The following OXR1 variants were observed in gnomAD, a reference collection of about 807,000 sequenced individuals.
OXR1 encodes the protein oxidation resistance 1.
Under a neutral mutation model 104.6 loss-of-function variants are expected in OXR1, and 41 were observed. The observed-to-expected ratio is 0.39, with a 90% CI of 0.31 to 0.51. The LOEUF (loss-of-function observed/expected upper bound fraction) is 0.51. Among genes scored for constraint, OXR1 ranks in the 20% least tolerant of loss-of-function variants. The pLI is 0.77. For missense variants in OXR1, 955 were observed against 1,031.9 expected (o/e 0.93, Z 1.02); for synonymous variants, 348 against 348.4 (o/e 1.00, Z 0.01).
chr8:106,575,624 C>A (rs919841498), intron 3 of OXR1, among the ~76,000 whole-genome samples: 1 of 151,372 alleles, frequency 6.6e-6, no homozygotes, highest in Non-Finnish European at 1.5e-5. Flanking sequence ...TTTAATGACC[C>A]CTACATTTAA....
At chr8:106,454,305 CAA>C (rs1210008886) in intron 2 of OXR1, among the ~76,000 whole-genome samples, 2 of 151,542 alleles carry the variant, frequency 1.3e-5, no homozygotes, top group African/African-American at 4.8e-5. Flanking sequence ...TACTAAAATA[CAA>C]AAAATTAGCC....
intron 3 of OXR1, among the ~76,000 whole-genome samples, chr8:106,550,392 T>G (rs1466099925): frequency 6.6e-6 from 1 of 152,144 alleles, no homozygotes; most frequent in African/African-American, 2.4e-5. Context: ...TCATGAAACT[T>G]ACAATCATGG....
intron 1 of OXR1, among the ~76,000 whole-genome samples, chr8:106,293,051 G>A (rs1191944424): frequency 1.3e-5 from 2 of 152,110 alleles, no homozygotes; most frequent in African/African-American, 4.8e-5. Flanking sequence ...AGCTGGATCT[G>A]GGATATATTT....
chr8:106,332,231 G>A (rs1563722263), intron 1 of OXR1, among the ~76,000 whole-genome samples: 1 of 152,094 alleles, frequency 6.6e-6, no homozygotes, highest in Non-Finnish European at 1.5e-5. Flanking sequence ...TAAAATCAGA[G>A]CTGTACATAA....
chr8:106,487,600 G>A (rs1810770922), intron 2 of OXR1, among the ~76,000 whole-genome samples: 1 of 147,728 alleles, frequency 6.8e-6, no homozygotes, highest in African/African-American at 2.5e-5. Context: ...AGTCCCCAGA[G>A]TGTGATATTC....
intron 2 of OXR1, among the ~76,000 whole-genome samples, chr8:106,420,920 A>G (rs1257066289): frequency 2.0e-5 from 3 of 152,126 alleles, no homozygotes; most frequent in Non-Finnish European, 4.4e-5. Context: ...GGAAACTGCT[A>G]CTAGAGAAGA....
At chr8:106,449,506 A>G (rs1820197376) in intron 2 of OXR1, among the ~76,000 whole-genome samples, 2 of 152,186 alleles carry the variant, frequency 1.3e-5, no homozygotes, top group Non-Finnish European at 2.9e-5. Flanking sequence ...CATCATCACA[A>G]CCACTCCTGC....
At chr8:106,577,093 T>G (rs576456622) in intron 3 of OXR1, among the ~76,000 whole-genome samples, 99 of 152,320 alleles carry the variant, frequency 6.5e-4, no homozygotes, top group Non-Finnish European at 1.1e-3. Flanking sequence ...TAAACTAACA[T>G]GAACAATTAA....
At chr8:106,654,436 T>G (rs1025040501) in intron 3 of OXR1, among the ~76,000 whole-genome samples, 2 of 152,026 alleles carry the variant, frequency 1.3e-5, no homozygotes, top group East Asian at 1.9e-4. Flanking sequence ...GGGGGAAAAA[T>G]CATCTTTTCA....
intron 11 of OXR1, among the ~76,000 whole-genome samples, chr8:106,735,585 A>G (rs1834295395): frequency 6.6e-6 from 1 of 152,136 alleles, no homozygotes; most frequent in Non-Finnish European, 1.5e-5. Context: ...CTGGAGGGAT[A>G]GAAGGAAAGC....
intron 14 of OXR1, 92 bp from the exon 15 acceptor site, chr8:106,742,130 T>G: frequency 2.6e-6 from 2 of 756,020 alleles, no homozygotes; most frequent in South Asian, 3.3e-5. Flanking sequence ...GATTTCTATT[T>G]TTTGCATTTT....
intron 1 of OXR1, among the ~76,000 whole-genome samples, chr8:106,321,946 TA>T (rs1399324935): frequency 1.3e-5 from 2 of 152,140 alleles, no homozygotes; most frequent in African/African-American, 4.8e-5. Context: ...ATTACTCAAT[TA>T]AATAAAAACT....
chr8:106,519,039 G>A lies in OXR1; in HGVS notation c.120G>A (p.Pro40=), dbSNP rs1415748327. The A allele has an allele frequency of 7.1e-6, 11 of 1,551,818 alleles. No individual in the cohort carries two copies. The East Asian group carries it at 7.3e-5, about 10-fold the overall frequency. Residue 40 remains proline, a synonymous_variant, in exon 3 of 17, where the codon CCG becomes CCA. Coordinates refer to ENST00000517566, the MANE Select transcript of OXR1 (RefSeq NM_001198533.2). ...GKQTPQASKP[P]APKTPIIEEE... The stretch of plus-strand genomic sequence containing the variant: ...AAACACCACAAGCCAGTAAGCCCCC[G>A]GCACCCAAGACCCCCATCATTGAAG...
intron 3 of OXR1, among the ~76,000 whole-genome samples, chr8:106,589,039 G>A (rs1287419492): frequency 8.0e-6 from 1 of 125,162 alleles, no homozygotes; most frequent in Non-Finnish European, 1.7e-5. Flanking sequence ...AGGGAAAGAG[G>A]TGCAGGCTCC....
At chr8:106,561,098 C>T (rs1271379665) in intron 3 of OXR1, among the ~76,000 whole-genome samples, 1 of 152,166 alleles carries the variant, frequency 6.6e-6, no homozygotes, top group Non-Finnish European at 1.5e-5. Flanking sequence ...TGGGCAAACA[C>T]CAAGCTAGCT....
At chr8:106,643,904 G>C (rs1823864444) in intron 3 of OXR1, among the ~76,000 whole-genome samples, 1 of 152,180 alleles carries the variant, frequency 6.6e-6, no homozygotes, top group Non-Finnish European at 1.5e-5. Flanking sequence ...AGGGCATTGT[G>C]TGAAAGACAA....
intron 2 of OXR1, among the ~76,000 whole-genome samples, chr8:106,360,856 T>C (rs1816213168): frequency 1.3e-5 from 2 of 152,104 alleles, no homozygotes; most frequent in Admixed American, 6.6e-5. Flanking sequence ...GTGTAGGAGA[T>C]GAATTCTCAA....
At chr8:106,362,923 ATGT>A (rs1281645060) in intron 2 of OXR1, among the ~76,000 whole-genome samples, 5 of 152,246 alleles carry the variant, frequency 3.3e-5, no homozygotes, top group African/African-American at 1.2e-4. Flanking sequence ...GGGTCTCAGT[ATGT>A]TGATAGAGAT....
intron 10 of OXR1, 62 bp downstream of exon 10, chr8:106,710,852 GTGTGT>G: frequency 4.7e-6 from 5 of 1,066,440 alleles, no homozygotes; most frequent in African/African-American, 1.6e-5. Context: ...AAATTATTTT[GTGTGT>G]CAAAATACCA....
Sources: gnomAD v4.1 joint callset for allele counts (sites outside exome capture counted in the v4.1 genomes callset) on GRCh38, gnomAD v4.1.1 for gene constraint, MANE v1.5 for transcripts, NCBI Gene and HGNC (gene_info 2026-07-23, HGNC 2026-07-21) for gene names.